Variants in CEP85L observed in about 807,000 individuals in gnomAD.
CEP85L encodes the protein centrosomal protein 85L.
In CEP85L, 60 loss-of-function variants were observed where a neutral mutation model predicts 100.3. The ratio of observed to expected loss-of-function variants is 0.60; its 90% CI spans 0.49 to 0.74. The LOEUF (loss-of-function observed/expected upper bound fraction) is 0.74. CEP85L is among the 30% of genes least tolerant of loss of function. The pLI is 0.00. For missense variants in CEP85L, 973 were observed against 936.2 expected, an observed-to-expected ratio of 1.04 and a Z score of -0.51; for synonymous variants, 319 against 322.7, an observed-to-expected ratio of 0.99 and a Z score of 0.12.
intron 1 of CEP85L, among the ~76,000 whole-genome samples, chr6:118,649,061 C>G (rs1342949753): frequency 2.0e-5 from 3 of 152,150 alleles, no homozygotes; most frequent in African/African-American, 7.2e-5. Flanking sequence ...AGGTCATTAT[C>G]TTGACCTTCA....
chr6:118,540,526 G>A (rs150575721), intron 3 of CEP85L, among the ~76,000 whole-genome samples: 2 of 152,162 alleles, frequency 1.3e-5, no homozygotes, highest in East Asian at 1.9e-4. Flanking sequence ...GGAGGCCAAG[G>A]CGGGCACATC....
At chr6:118,615,064 A>G (rs1216271431) in intron 2 of CEP85L, among the ~76,000 whole-genome samples, 1 of 152,244 alleles carries the variant, frequency 6.6e-6, no homozygotes, top group Non-Finnish European at 1.5e-5. Context: ...CATAGAAAAT[A>G]TTAAAAACTA....
intron 1 of CEP85L, among the ~76,000 whole-genome samples, chr6:118,644,199 A>T (rs147505653): frequency 9.0e-4 from 137 of 152,316 alleles, no homozygotes; most frequent in African/African-American, 3.1e-3. Context: ...GCCTGGAAGC[A>T]TGAGACTGGT....
chr6:118,553,880 T>G (rs906289063), intron 3 of CEP85L, among the ~76,000 whole-genome samples: 2 of 152,228 alleles, frequency 1.3e-5, no homozygotes, highest in Admixed American at 6.5e-5. Context: ...GTGAATCCTC[T>G]AAGCCTCATT....
In CEP85L at chr6:118,542,900, C is replaced by CAAAAAAAAAAAAAAAAAAAAAAAAA. The variant is rs71012391; in HGVS notation, c.1021-18981_1021-18980insTTTTTTTTTTTTTTTTTTTTTTTTT. The stretch of plus-strand genomic sequence containing the variant: ...GAACTTCAACATCACCAAGTTTTCC[C>CAAAAAAAAAAAAAAAAAAAAAAAAA]AAAAAAAAAAAAAAAAAAAAAAACA... On this transcript the variant is annotated intron_variant, in intron 3 of 12. Coordinates refer to ENST00000368491, the MANE Select transcript of CEP85L (RefSeq NM_001042475.3). Among the ~76,000 whole-genome samples, 35 of 67,154 alleles carry CAAAAAAAAAAAAAAAAAAAAAAAAA rather than the reference C, an allele frequency of 5.2e-4. 2 individuals carry two copies. The highest frequency in any genetic ancestry group is 6.9e-4 in the Non-Finnish European group (24 of 34,556). 44.1% of individuals were successfully genotyped at this position (67,154 alleles called of 152,430 possible).
At chr6:118,658,039 T>A (rs1159670789) in intron 1 of CEP85L, among the ~76,000 whole-genome samples, 1 of 152,202 alleles carries the variant, frequency 6.6e-6, no homozygotes, top group Non-Finnish European at 1.5e-5. Flanking sequence ...TCTCTGGAAC[T>A]GTAAATAGAG....
intron 5 of CEP85L, chr6:118,502,919 C>T: frequency 2.2e-6 from 1 of 453,342 alleles, no homozygotes. Context: ...ACGGAGTGGA[C>T]CTAGTGGGAG....
At chr6:118,524,872 G>C (rs1181890981) in intron 3 of CEP85L, among the ~76,000 whole-genome samples, 7 of 152,198 alleles carry the variant, frequency 4.6e-5, no homozygotes, top group Non-Finnish European at 7.3e-5. Context: ...CGTTCTGGGG[G>C]AAATGGGTGG....
At chr6:118,585,089 C>A (rs959164426) in intron 2 of CEP85L, among the ~76,000 whole-genome samples, 5 of 152,200 alleles carry the variant, frequency 3.3e-5, no homozygotes, top group Non-Finnish European at 5.9e-5. Context: ...ATCTGTAAGG[C>A]AGGATACACA....
At chr6:118,498,495 G>A (rs1775064072) in intron 5 of CEP85L, among the ~76,000 whole-genome samples, 1 of 151,236 alleles carries the variant, frequency 6.6e-6, no homozygotes, top group South Asian at 2.1e-4. Context: ...AACTGTATCA[G>A]AAATGGACAA....
At chr6:118,558,157 G>A (rs1778988034) in intron 3 of CEP85L, among the ~76,000 whole-genome samples, 1 of 152,038 alleles carries the variant, frequency 6.6e-6, no homozygotes, top group African/African-American at 2.4e-5. Context: ...CACCATGTTG[G>A]CCAGGCTGGT....
intron 2 of CEP85L, among the ~76,000 whole-genome samples, chr6:118,568,227 G>GA (rs1779665210): frequency 6.6e-6 from 1 of 152,226 alleles, no homozygotes. Context: ...GCAGCAGCTA[G>GA]ACAGCTTAGT....
intron 12 of CEP85L, among the ~76,000 whole-genome samples, chr6:118,466,499 A>AT (rs759983256): frequency 1.3e-5 from 2 of 152,208 alleles, no homozygotes; most frequent in Non-Finnish European, 2.9e-5. Context: ...TTGCAGTGGC[A>AT]TAAAAAAACA....
Position 118,676,175 on chromosome 6 carries a change from G to A in CEP85L, c.-27-23367C>T, listed in dbSNP as rs143581106. Among the ~76,000 whole-genome samples, 382 of 152,158 alleles carry A rather than the reference G, an allele frequency of 2.5e-3. 7 individuals carry two copies. The highest frequency in any genetic ancestry group is 0.021 in the Admixed American group (328 of 15,272). ...ATGTTTTGATCTATGTATACATGGT[G>A]GAATGATTAAATCAAAGTAATTAGT... is the stretch of plus-strand genomic sequence containing the variant. On this transcript the variant is annotated intron_variant, in intron 1 of 13. Transcript: ENST00000368488.
At chr6:118,482,254 T>G (rs962953370) in intron 7 of CEP85L, among the ~76,000 whole-genome samples, 2 of 152,170 alleles carry the variant, frequency 1.3e-5, no homozygotes, top group Non-Finnish European at 2.9e-5. Context: ...AATTTCCAAG[T>G]GTATGACAGG....
chr6:118,517,227 C>T (rs1776336617), intron 4 of CEP85L, among the ~76,000 whole-genome samples: 1 of 152,158 alleles, frequency 6.6e-6, no homozygotes, highest in Non-Finnish European at 1.5e-5. Context: ...GCTATCTAGA[C>T]TCTTTTTTGG....
rs184323386 is a variant in CEP85L at position 118,545,212 on chromosome 6, G to A, written c.1020+20317C>T. 1.2e-3 allele frequency among the ~76,000 whole-genome samples: 184 copies of A among 152,150 alleles called. 6 individuals are homozygous for A. The East Asian group carries it at 0.03, about 25-fold the overall frequency. ...ACCGATTCTATTTTGAAGCTTCTTCGCCCTCCGGATACACCACTACAGACT... is the reference window on the plus strand; with the variant it reads ...ACCGATTCTATTTTGAAGCTTCTTCACCCTCCGGATACACCACTACAGACT... On this transcript the variant is annotated intron_variant, in intron 3 of 12. Coordinates refer to ENST00000368491, the MANE Select transcript of CEP85L (RefSeq NM_001042475.3).
At chr6:118,672,435 G>A (rs755872348) in intron 1 of CEP85L, among the ~76,000 whole-genome samples, 10 of 152,028 alleles carry the variant, frequency 6.6e-5, no homozygotes, top group African/African-American at 2.4e-4. Context: ...TGTTATGGAC[G>A]ATATAAAGAT....
At chr6:118,609,186 A>T (rs1262857619) in intron 2 of CEP85L, among the ~76,000 whole-genome samples, 1 of 152,222 alleles carries the variant, frequency 6.6e-6, no homozygotes, top group Non-Finnish European at 1.5e-5. Context: ...GAACAGCAAA[A>T]GGTCTGGAAG....
Sources: gnomAD v4.1 joint callset for allele counts (sites outside exome capture counted in the v4.1 genomes callset) on GRCh38, gnomAD v4.1.1 for gene constraint, MANE v1.5 for transcripts, NCBI Gene and HGNC (gene_info 2026-07-23, HGNC 2026-07-21) for gene names.